GLS: variants seen among roughly 807,000 people sequenced by gnomAD.
GLS encodes glutaminase kidney isoform, mitochondrial.
GLS carries 36 observed loss-of-function variants against 86.7 expected under a neutral mutation model. The observed-to-expected ratio is 0.42, with a 90% CI of 0.32 to 0.55. The LOEUF is 0.55. GLS is among the 20% of genes least tolerant of loss of function. The pLI, the probability that GLS is intolerant of heterozygous loss-of-function variation, is 0.17. For missense variants in GLS, 528 were observed against 833.4 expected, an observed-to-expected ratio of 0.63 and a Z score of 4.51; for synonymous variants, 317 against 305.9, an observed-to-expected ratio of 1.04 and a Z score of -0.38.
In GLS at chr2:190,947,945, A is replaced by G. The variant is rs1048173632; in HGVS notation, c.1651-5620A>G. ...AGACCAGGAAGCAGACTGTCCCTAA[A>G]TGAAATACTCCATCTGTTGTCTCAA... is the stretch of plus-strand genomic sequence containing the variant. On this transcript the variant is annotated intron_variant, in intron 14 of 17. Coordinates refer to ENST00000320717, the MANE Select transcript of GLS (RefSeq NM_014905.5). The surrounding 1 kb of genome is among the most constrained non-coding windows in gnomAD (Gnocchi z 5.0). 6.6e-6 allele frequency among the ~76,000 whole-genome samples: 1 copy of G among 152,208 alleles called. No homozygotes were observed. Among genetic ancestry groups the G allele is most frequent in the Non-Finnish European group, 1.5e-5 (1 of 68,042 alleles).
Position 190,955,519 on chromosome 2 carries a change from A to G in GLS, c.1853+701A>G, listed in dbSNP as rs983379907. Among the ~76,000 whole-genome samples the G allele has an allele frequency of 1.3e-5, 2 of 152,158 alleles. No homozygotes were observed. The highest frequency in any genetic ancestry group is 2.9e-5 in the Non-Finnish European group (2 of 68,020). On this transcript the variant is annotated intron_variant, in intron 17 of 17. Transcript: ENST00000320717. The surrounding 1 kb of genome is among the most constrained non-coding windows in gnomAD (Gnocchi z 5.6). ...TATATGTGCCACATTTTCTTTATCC[A>G]GTCTATTATCGATGGTCATTTGGGT...
chr2:190,889,960 A>G (rs1188830930), intron 1 of GLS, among the ~76,000 whole-genome samples: 1 of 152,140 alleles, frequency 6.6e-6, no homozygotes, highest in African/African-American at 2.4e-5. Context: ...TTGGTTAGAA[A>G]TTTATTATTG....
chr2:190,922,927 T>A (rs1284769666), intron 9 of GLS, among the ~76,000 whole-genome samples: 1 of 152,174 alleles, frequency 6.6e-6, no homozygotes, highest in African/African-American at 2.4e-5. Flanking sequence ...TAGAGATAGA[T>A]CCCTGTATCA....
Position 190,920,866 on chromosome 2 carries a change from A to G in GLS, c.1039-158A>G. The G allele has an allele frequency of 1.9e-6, 1 of 533,940 alleles. No homozygotes were observed. Among genetic ancestry groups the G allele is most frequent in the Non-Finnish European group, 3.4e-6 (1 of 296,772 alleles). The allele number at this position is 533,940 out of a possible 1,614,324, so 33.1% of individuals were successfully genotyped here. A position where few individuals can be genotyped will look rare whatever the true frequency, so the allele number is the denominator to read the frequency against. The stretch of plus-strand genomic sequence containing the variant: ...ATGGGTATTAAATAACATGAAAAAA[A>G]GTTTATATAAATGTTAAATTACTTT... On this transcript the variant is annotated intron_variant, in intron 7 of 17. Coordinates refer to ENST00000320717, the MANE Select transcript of GLS (RefSeq NM_014905.5). This position sits in a 1 kb window ranked among gnomAD's most constrained non-coding sequence, Gnocchi z 4.2.
chr2:190,913,014 T>G lies in GLS; in HGVS notation c.1038+2693T>G, dbSNP rs189396022. Among the ~76,000 whole-genome samples, 171 of 148,600 alleles carry G rather than the reference T, an allele frequency of 1.2e-3. No homozygotes were observed. The highest frequency in any genetic ancestry group is 0.01 in the Middle Eastern group (3 of 294). ...GAGGTGAATTCTGTTTTTAGCTCTTTTAATTGATGACCTTAAGGCTATTTG... is the reference window on the plus strand; with the variant it reads ...GAGGTGAATTCTGTTTTTAGCTCTTGTAATTGATGACCTTAAGGCTATTTG... On this transcript the variant is annotated intron_variant, in intron 7 of 17. Transcript: ENST00000320717. This position sits in a 1 kb window ranked among gnomAD's most constrained non-coding sequence, Gnocchi z 6.1.
At chr2:190,952,033 C>T (rs540981377) in intron 14 of GLS, among the ~76,000 whole-genome samples, 3 of 152,298 alleles carry the variant, frequency 2.0e-5, no homozygotes, top group African/African-American at 7.2e-5. Context: ...AGTGAGACCC[C>T]ATCTCTATAA....
Position 190,962,022 on chromosome 2 carries a change from G to T in GLS, c.1854-808G>T, listed in dbSNP as rs974929281. On this transcript the variant is annotated intron_variant, in intron 17 of 17. Transcript: ENST00000320717. This position sits in a 1 kb window ranked among gnomAD's most constrained non-coding sequence, Gnocchi z 4.2. ...GCTTCACAGTTTGTAAAGTGTAAGG[G>T]AACTACCCATCGTACCCTGTCATTG... Among the ~76,000 whole-genome samples the T allele has an allele frequency of 2.6e-5, 4 of 152,134 alleles. No individual in the cohort carries two copies. The highest frequency in any genetic ancestry group is 1.9e-4 in the East Asian group (1 of 5,198).
In GLS at chr2:190,927,354, A is replaced by G. The variant is rs541792455; in HGVS notation, c.1297A>G (p.Thr433Ala). 18 of 1,613,882 alleles carry G rather than the reference A, an allele frequency of 1.1e-5. No individual in the cohort carries two copies. In the South Asian group the frequency reaches 2.0e-4, roughly 18 times the overall value. The change falls in exon 12 of 18, where the codon ACA (threonine) becomes GCA (alanine). Residue 433 changes from threonine to alanine, a missense_variant. Physicochemically the swap from Thr to Ala is moderately conservative, Grantham distance 58. Coordinates refer to ENST00000320717, the MANE Select transcript of GLS (RefSeq NM_014905.5). ...TCESASVMAA[T>A]LANGGFCPIT... ...TGAATCAGCCAGTGTGATGGCTGCG[A>G]CACTGGCTAATGGTGGTTTCTGCCC... is the stretch of plus-strand genomic sequence containing the variant.
In GLS at chr2:190,930,822, A is replaced by G. The variant is rs184199199; in HGVS notation, c.1557+254A>G. ...ATTTTCATGGTTATAATTAGTATGA[A>G]TTTTCAAAAGCTCAACAAAAGGTAT... On this transcript the variant is annotated intron_variant, in intron 13 of 17. Transcript: ENST00000320717. This position sits in a 1 kb window ranked among gnomAD's most constrained non-coding sequence, Gnocchi z 5.0. Among the ~76,000 whole-genome samples, 15 of 152,302 alleles carry G rather than the reference A, an allele frequency of 9.8e-5. No individual in the cohort carries two copies. Among genetic ancestry groups the G allele is most frequent in the African/African-American group, 2.6e-4 (11 of 41,562 alleles).
In GLS at chr2:190,943,213, T is replaced by TA. The variant is rs1441921097; in HGVS notation, c.1651-10351dup. On this transcript the variant is annotated intron_variant, in intron 14 of 17. Coordinates refer to ENST00000320717, the MANE Select transcript of GLS (RefSeq NM_014905.5). The surrounding 1 kb of genome is among the most constrained non-coding windows in gnomAD (Gnocchi z 4.5). ...GCTAATGTTTGAGATATTTGTGAGA[T>TA]ATCTAAGTAGTGATGTTGAGTAAGC... 6.6e-6 allele frequency among the ~76,000 whole-genome samples: 1 copy of TA among 152,202 alleles called. No individual in the cohort carries two copies. Among genetic ancestry groups the TA allele is most frequent in the Non-Finnish European group, 1.5e-5 (1 of 68,034 alleles).
intron 1 of GLS, among the ~76,000 whole-genome samples, chr2:190,890,252 T>C (rs965612963): frequency 6.6e-6 from 1 of 152,144 alleles, no homozygotes; most frequent in Admixed American, 6.6e-5. Context: ...GGTGCCATTA[T>C]AGCTCACTGC....
chr2:190,926,823 G>C (rs1208475163), intron 11 of GLS, among the ~76,000 whole-genome samples: 4 of 152,050 alleles, frequency 2.6e-5, no homozygotes, highest in Non-Finnish European at 5.9e-5. Flanking sequence ...TGGGGATGCC[G>C]AACTTTGTTA....
chr2:190,933,474 A>T (rs929994620), intron 14 of GLS: 1 of 862,536 alleles, frequency 1.2e-6, no homozygotes, highest in Non-Finnish European at 1.4e-6. Flanking sequence ...GCTTTAAAAT[A>T]TGACTCCTAC....
intron 12 of GLS, among the ~76,000 whole-genome samples, chr2:190,928,622 A>G (rs1463288522): frequency 1.3e-5 from 2 of 151,448 alleles, no homozygotes; most frequent in Non-Finnish European, 2.9e-5. Context: ...GGTGTGAGCC[A>G]TTGCACCTGG....
rs1689445492 is a variant in GLS, at chr2:190,914,102, T to A, written c.1038+3781T>A. On this transcript the variant is annotated intron_variant, in intron 7 of 17. Coordinates refer to ENST00000320717, the MANE Select transcript of GLS (RefSeq NM_014905.5). The surrounding 1 kb of genome is among the most constrained non-coding windows in gnomAD (Gnocchi z 4.4). Reference sequence around the variant, plus strand: ...CCACTCTACTTGGCATGCCTCATTCTAGTGGTAGTTTCCAGTTTTTGTCAT... The same window carrying A: ...CCACTCTACTTGGCATGCCTCATTCAAGTGGTAGTTTCCAGTTTTTGTCAT... Among the ~76,000 whole-genome samples the A allele has an allele frequency of 6.6e-6, 1 of 152,258 alleles. No homozygotes were observed. Among genetic ancestry groups the A allele is most frequent in the East Asian group, 1.9e-4 (1 of 5,202 alleles).
At position 190,880,838 on chromosome 2, in the gene GLS, G is replaced by C. The variant is rs999312755; in HGVS notation, c.-247G>C. 3.9e-6 allele frequency: 3 copies of C among 769,834 alleles called. No homozygotes were observed. The highest frequency in any genetic ancestry group is 3.0e-5 in the South Asian group (2 of 67,454). The allele number at this position is 769,834 out of a possible 1,614,324, so 47.7% of individuals were successfully genotyped here. A position where few individuals can be genotyped will look rare whatever the true frequency, so the allele number is the denominator to read the frequency against. ...TTAGCCTCAGTGCGGAGCCTTAGGC[G>C]GAGCGAAGAGAACCGGTCGCGGCAA... On this transcript the variant is annotated 5_prime_UTR_variant, in exon 1 of 18. Transcript: ENST00000320717.
rs200986458 is a variant in GLS at position 190,954,736 on chromosome 2, T to G, written c.1790-19T>G. On this transcript the variant is annotated intron_variant, in intron 16 of 17. Coordinates refer to ENST00000320717, the MANE Select transcript of GLS (RefSeq NM_014905.5). This position sits in a 1 kb window ranked among gnomAD's most constrained non-coding sequence, Gnocchi z 4.0. ...TTAGTACTAAAATCTGCTCTTTTTT[T>G]GGGGGTGGGACGGTATAGGTCATGT... 843 of 1,613,498 alleles carry G rather than the reference T, an allele frequency of 5.2e-4. 4 individuals are homozygous for G. The highest frequency in any genetic ancestry group is 2.0e-3 in the African/African-American group (150 of 75,030).
At chr2:190,957,490 T>G (rs1690889495) in intron 17 of GLS, among the ~76,000 whole-genome samples, 2 of 152,256 alleles carry the variant, frequency 1.3e-5, no homozygotes, top group South Asian at 4.1e-4. Context: ...TGTGCCAATT[T>G]TCAAAGGGAA....
rs1423810754 is a variant in GLS at position 190,897,247 on chromosome 2, A to G, written c.605+1522A>G. Among the ~76,000 whole-genome samples, 1 of 151,916 alleles carries G rather than the reference A, an allele frequency of 6.6e-6. No individual in the cohort carries two copies. Among genetic ancestry groups the G allele is most frequent in the Non-Finnish European group, 1.5e-5 (1 of 67,978 alleles). ...ACCACGTTGTCCAGGCTGGTCTCGA[A>G]CTCCTGACCTCAGGTAATCCATCCG... On this transcript the variant is annotated intron_variant, in intron 3 of 17. Coordinates refer to ENST00000320717, the MANE Select transcript of GLS (RefSeq NM_014905.5). The surrounding 1 kb of genome is among the most constrained non-coding windows in gnomAD (Gnocchi z 4.3).
Sources: allele counts gnomAD v4.1 joint callset (sites outside exome capture counted in the v4.1 genomes callset), GRCh38; gene constraint gnomAD v4.1.1; non-coding constraint Gnocchi (gnomAD v3.1); transcripts MANE v1.5; gene names NCBI Gene and HGNC (gene_info 2026-07-23, HGNC 2026-07-21).